The following ADARB2 variants were observed in gnomAD, a reference collection of about 807,000 sequenced individuals.
The protein encoded by ADARB2 is adenosine deaminase RNA specific B2 (inactive), also known as inactive double-stranded RNA-specific editase B2.
Under a neutral mutation model 62.2 loss-of-function variants are expected in ADARB2, and 25 were observed. The ratio of observed to expected loss-of-function variants is 0.40; its 90% CI spans 0.29 to 0.56. The LOEUF is 0.56. Ranked by LOEUF, ADARB2 falls within the 20% of genes least tolerant of loss-of-function variation. The pLI, the probability that ADARB2 is intolerant of heterozygous loss-of-function variation, is 0.43. For synonymous variants in ADARB2, 572 were observed against 500.8 expected, an observed-to-expected ratio of 1.14 and a Z score of -1.90; for missense variants, 1,071 against 1,077.4, an observed-to-expected ratio of 0.99 and a Z score of 0.08.
chr10:1,332,485 T>G (rs1204705180), intron 3 of ADARB2, among the ~76,000 whole-genome samples: 1 of 144,082 alleles, frequency 6.9e-6, no homozygotes, highest in Non-Finnish European at 1.6e-5. Context: ...AGTTTTGTTT[T>G]TTTTTTTTTT....
At chr10:1,586,582 C>A (rs1453119660) in intron 1 of ADARB2, among the ~76,000 whole-genome samples, 2 of 152,218 alleles carry the variant, frequency 1.3e-5, no homozygotes, top group Admixed American at 6.5e-5. Flanking sequence ...AGGGGATCTG[C>A]TCACCTTACT....
intron 1 of ADARB2, among the ~76,000 whole-genome samples, chr10:1,603,554 G>A (rs1046373809): frequency 6.6e-6 from 1 of 152,068 alleles, no homozygotes; most frequent in African/African-American, 2.4e-5. Flanking sequence ...AGGCCTGAGT[G>A]TCACCGAGAG....
At chr10:1,348,115 C>T (rs181408500) in intron 3 of ADARB2, among the ~76,000 whole-genome samples, 5 of 152,254 alleles carry the variant, frequency 3.3e-5, no homozygotes, top group South Asian at 2.1e-4. Context: ...AGGGCTATCT[C>T]GGTCCTGTGG....
intron 3 of ADARB2, among the ~76,000 whole-genome samples, chr10:1,334,737 T>C (rs1041559585): frequency 8.2e-5 from 10 of 121,690 alleles, no homozygotes; most frequent in Non-Finnish European, 1.6e-4. Context: ...CTTATTTTAA[T>C]GTTTGATTTT....
At chr10:1,492,949 C>T (rs182312876) in intron 1 of ADARB2, among the ~76,000 whole-genome samples, 82 of 152,302 alleles carry the variant, frequency 5.4e-4, no homozygotes, top group Middle Eastern at 3.4e-3. Flanking sequence ...CTAATCCCCA[C>T]GCACTTGCCG....
At chr10:1,461,902 T>C (rs1282487550) in intron 1 of ADARB2, among the ~76,000 whole-genome samples, 1 of 152,162 alleles carries the variant, frequency 6.6e-6, no homozygotes, top group South Asian at 2.1e-4. Context: ...CCGGGGAGGC[T>C]GAGGCAGGAG....
chr10:1,648,809 A>G (rs938606715), intron 1 of ADARB2, among the ~76,000 whole-genome samples: 1 of 152,110 alleles, frequency 6.6e-6, no homozygotes, highest in Non-Finnish European at 1.5e-5. Flanking sequence ...CTGCATTACA[A>G]AGTATCTTCC....
At chr10:1,338,427 C>A (rs1831993619) in intron 3 of ADARB2, among the ~76,000 whole-genome samples, 1 of 152,176 alleles carries the variant, frequency 6.6e-6, no homozygotes, top group Admixed American at 6.5e-5. Context: ...TTCTTCAGAT[C>A]CCTATCATAT....
intron 1 of ADARB2, among the ~76,000 whole-genome samples, chr10:1,614,313 C>T (rs1833604642): frequency 6.6e-6 from 1 of 152,210 alleles, no homozygotes; most frequent in African/African-American, 2.4e-5. Flanking sequence ...CTCCTTAAAA[C>T]ATTGTTTTCT....
At chr10:1,576,037 G>A (rs1421620958) in intron 1 of ADARB2, among the ~76,000 whole-genome samples, 9 of 31,638 alleles carry the variant, frequency 2.8e-4, no homozygotes, top group Non-Finnish European at 5.9e-4. Context: ...AGGGCCACTC[G>A]GCGGGGGGGT....
chr10:1,412,997 G>A (rs533062260), intron 1 of ADARB2, among the ~76,000 whole-genome samples: 90 of 152,290 alleles, frequency 5.9e-4, no homozygotes, highest in African/African-American at 2.1e-3. Flanking sequence ...CTGGCGGGAG[G>A]GTGGATGGGC....
chr10:1,628,830 G>T (rs11250682), intron 1 of ADARB2, among the ~76,000 whole-genome samples: 39,032 of 152,210 alleles, frequency 0.26, 5,269 homozygotes, highest in South Asian at 0.31. Context: ...GGCGGCCTCC[G>T]GCCAGGCCCT....
intron 1 of ADARB2, chr10:1,394,739 C>A (rs1588242840): frequency 4.7e-6 from 2 of 421,930 alleles, no homozygotes; most frequent in East Asian, 1.4e-4. Flanking sequence ...GTCAAAGGGT[C>A]TGAAGCCAGG....
chr10:1,490,092 TACATGAAAA>T (rs1831601364), intron 1 of ADARB2, among the ~76,000 whole-genome samples: 1 of 152,010 alleles, frequency 6.6e-6, no homozygotes, highest in African/African-American at 2.4e-5. Flanking sequence ...CATCAGAGAA[TACATGAAAA>T]ACCAGGAGGC....
chr10:1,568,693 G>A (rs747095125), intron 1 of ADARB2, among the ~76,000 whole-genome samples: 3 of 152,134 alleles, frequency 2.0e-5, no homozygotes, highest in African/African-American at 4.8e-5. Context: ...TTGGAGACCA[G>A]GCCCTTGGAC....
chr10:1,658,472 T>C (rs1385690025), intron 1 of ADARB2, among the ~76,000 whole-genome samples: 1 of 152,156 alleles, frequency 6.6e-6, no homozygotes, highest in Non-Finnish European at 1.5e-5. Context: ...TCTCTCTCTG[T>C]CTCTGTCTGA....
chr10:1,356,792 C>T (rs369839716), intron 3 of ADARB2, among the ~76,000 whole-genome samples: 34 of 152,314 alleles, frequency 2.2e-4, no homozygotes, highest in South Asian at 6.2e-4. Context: ...TTCTAAGACA[C>T]GAGAACTAAC....
At chr10:1,321,757 C>T (rs555174193) in intron 3 of ADARB2, among the ~76,000 whole-genome samples, 3 of 152,186 alleles carry the variant, frequency 2.0e-5, no homozygotes, top group Non-Finnish European at 2.9e-5. Flanking sequence ...TTCCCAGCTA[C>T]GAGGGCTTTT....
chr10:1,321,549 AT>A (rs2131827819), intron 3 of ADARB2, among the ~76,000 whole-genome samples: 1 of 151,842 alleles, frequency 6.6e-6, no homozygotes, highest in East Asian at 1.9e-4. Context: ...CCCTGCTAAT[AT>A]TTTCAAATTT....
Sources: allele counts gnomAD v4.1 joint callset (sites outside exome capture counted in the v4.1 genomes callset), GRCh38; gene constraint gnomAD v4.1.1; transcripts MANE v1.5; gene names NCBI Gene and HGNC (gene_info 2026-07-23, HGNC 2026-07-21).